The following IL1RAPL1 variants were observed in gnomAD, a reference collection of about 807,000 sequenced individuals.
The protein encoded by IL1RAPL1 is interleukin-1 receptor accessory protein-like 1.
Under a neutral mutation model 48.4 loss-of-function variants are expected in IL1RAPL1, and 3 were observed. That is an observed-to-expected ratio of 0.06 (90% confidence interval 0.03 to 0.16). The LOEUF is 0.16. IL1RAPL1 is among the 10% of genes least tolerant of loss of function. The pLI is 1.00. For synonymous variants in IL1RAPL1, 185 were observed against 187.7 expected (o/e 0.99, Z 0.12); for missense variants, 349 against 530.6 (o/e 0.66, Z 3.36).
At chrX:29,100,518 T>A (rs951345670) in intron 2 of IL1RAPL1, among the ~76,000 whole-genome samples, 10 of 111,943 alleles carry the variant, frequency 8.9e-5, no homozygotes, top group African/African-American at 3.2e-4. Flanking sequence ...GAAAGTCTAC[T>A]CCTGTGGTAG....
intron 5 of IL1RAPL1, among the ~76,000 whole-genome samples, chrX:29,457,661 TTTTTGGTAGAATTATTTGTTTTC>T (rs1192869642): frequency 1.8e-5 from 2 of 112,317 alleles, no homozygotes; most frequent in African/African-American, 6.5e-5. Flanking sequence ...TGCATGTGTC[TTTTTGGTAGAATTATTTGTTTTC>T]TTTTGGTAGA....
intron 2 of IL1RAPL1, among the ~76,000 whole-genome samples, chrX:29,118,702 A>G (rs1345467483): frequency 8.9e-6 from 1 of 111,734 alleles, no homozygotes; most frequent in Non-Finnish European, 1.9e-5. Context: ...GTCTAGAACA[A>G]TATACTCAAG....
At chrX:29,673,288 T>C (rs1474080827) in intron 6 of IL1RAPL1, among the ~76,000 whole-genome samples, 2 of 111,999 alleles carry the variant, frequency 1.8e-5, no homozygotes, top group African/African-American at 6.5e-5. Context: ...TTGAATTTGA[T>C]ACCGAATTCT....
intron 1 of IL1RAPL1, among the ~76,000 whole-genome samples, chrX:28,619,561 C>CCCG (rs2146887652): frequency 1.0e-5 from 1 of 97,937 alleles, no homozygotes; most frequent in Non-Finnish European, 2.0e-5. Flanking sequence ...GGGCTGAGAT[C>CCCG]ACGACACTGC....
At chrX:28,908,613 G>A (rs946466900) in intron 2 of IL1RAPL1, among the ~76,000 whole-genome samples, 1 of 111,443 alleles carries the variant, frequency 9.0e-6, no homozygotes, top group African/African-American at 3.3e-5. Context: ...CCAGAATGTG[G>A]TCTATATTGG....
chrX:29,446,784 A>G (rs1399422938), intron 5 of IL1RAPL1, among the ~76,000 whole-genome samples: 1 of 111,729 alleles, frequency 9.0e-6, no homozygotes, highest in African/African-American at 3.2e-5. Context: ...TCAAGAAATA[A>G]TGCCCAGTAT....
intron 5 of IL1RAPL1, among the ~76,000 whole-genome samples, chrX:29,572,695 C>A (rs750302243): frequency 2.7e-5 from 3 of 112,400 alleles, no homozygotes; most frequent in South Asian, 7.3e-4. Flanking sequence ...TGTAGAAATT[C>A]ATAATGCCCA....
At chrX:29,645,648 G>T (rs1292779572) in intron 5 of IL1RAPL1, among the ~76,000 whole-genome samples, 5 of 111,674 alleles carry the variant, frequency 4.5e-5, no homozygotes, top group East Asian at 2.8e-4. Flanking sequence ...GACTACAGTG[G>T]CCTTGAGCTG....
At chrX:29,534,706 T>A (rs1306272736) in intron 5 of IL1RAPL1, among the ~76,000 whole-genome samples, 5 of 110,301 alleles carry the variant, frequency 4.5e-5, no homozygotes, top group Non-Finnish European at 9.5e-5. Context: ...CGGTGGCTCA[T>A]GCCTGTAATC....
At position 29,299,429 on chromosome X, in the gene IL1RAPL1, C is replaced by T. The variant is rs1602158114; in HGVS notation, c.362+16212C>T. Among the ~76,000 whole-genome samples the T allele has an allele frequency of 5.4e-5, 6 of 111,428 alleles. 1 individual carries two copies. The Admixed American group carries it at 5.8e-4, about 11-fold the overall frequency. On this transcript the variant is annotated intron_variant, in intron 3 of 10. Coordinates refer to ENST00000378993, the MANE Select transcript of IL1RAPL1 (RefSeq NM_014271.4). ...TAATTCTCATCATATTCCATTTATACAATATATAGTATTTTCTCTCTCCTA... is the reference window on the plus strand; with the variant it reads ...TAATTCTCATCATATTCCATTTATATAATATATAGTATTTTCTCTCTCCTA...
At chrX:28,891,683 G>A (rs913254918) in intron 2 of IL1RAPL1, among the ~76,000 whole-genome samples, 1 of 112,280 alleles carries the variant, frequency 8.9e-6, no homozygotes, top group African/African-American at 3.2e-5. Flanking sequence ...TCAGCTGGTA[G>A]ACATTTAGGT....
chrX:29,879,713 C>T (rs1367306611), intron 6 of IL1RAPL1, among the ~76,000 whole-genome samples: 2 of 109,800 alleles, frequency 1.8e-5, no homozygotes, highest in Admixed American at 9.9e-5. Context: ...GGTAAAGGTG[C>T]TTTTCTAAAA....
chrX:29,771,565 T>C (rs1929065220), intron 6 of IL1RAPL1, among the ~76,000 whole-genome samples: 1 of 111,882 alleles, frequency 8.9e-6, no homozygotes, highest in Admixed American at 9.5e-5. Context: ...GAAACTGTGA[T>C]GGCTTGAATA....
chrX:29,255,142 C>T (rs200247960), intron 2 of IL1RAPL1, among the ~76,000 whole-genome samples: 4,463 of 62,166 alleles, frequency 0.072, 281 homozygotes, highest in African/African-American at 0.17. Flanking sequence ...TGTGTGTGTG[C>T]GTGTGTGTGT....
intron 6 of IL1RAPL1, among the ~76,000 whole-genome samples, chrX:29,713,884 T>G (rs758320345): frequency 8.9e-6 from 1 of 112,287 alleles, no homozygotes; most frequent in African/African-American, 3.2e-5. Context: ...TGATATAGTT[T>G]TTTTTAAGTT....
chrX:29,098,988 T>C (rs1402811269), intron 2 of IL1RAPL1, among the ~76,000 whole-genome samples: 1 of 111,037 alleles, frequency 9.0e-6, no homozygotes, highest in Non-Finnish European at 1.9e-5. Flanking sequence ...CTGTCTCTAC[T>C]AAAAATGCAA....
intron 5 of IL1RAPL1, among the ~76,000 whole-genome samples, chrX:29,478,584 A>G (rs1935003033): frequency 9.0e-6 from 1 of 110,503 alleles, no homozygotes; most frequent in Non-Finnish European, 1.9e-5. Flanking sequence ...ATCTCACTAA[A>G]AGTAAATATA....
rs192171142 is a variant in IL1RAPL1, at chrX:29,214,767, G to T, written c.83-68171G>T. On this transcript the variant is annotated intron_variant, in intron 2 of 10. Transcript: ENST00000378993. ...CTGTAAATGATAGTTGTTCTAAACT[G>T]TGGCTCTGTCTAAAGAATTTTACCC... Among the ~76,000 whole-genome samples, 29 of 111,792 alleles carry T rather than the reference G, an allele frequency of 2.6e-4. No homozygotes were observed. In the East Asian group the frequency reaches 5.1e-3, roughly 20 times the overall value.
chrX:29,523,640 G>A (rs1935524440), intron 5 of IL1RAPL1, among the ~76,000 whole-genome samples: 1 of 111,388 alleles, frequency 9.0e-6, no homozygotes, highest in Non-Finnish European at 1.9e-5. Context: ...GGCAGAAAAT[G>A]GAGCCTGAAA....
Sources: gnomAD v4.1 joint callset for allele counts (sites outside exome capture counted in the v4.1 genomes callset) on GRCh38, gnomAD v4.1.1 for gene constraint, MANE v1.5 for transcripts, NCBI Gene and HGNC (gene_info 2026-07-23, HGNC 2026-07-21) for gene names.